SLC9B1: variants seen among roughly 807,000 people sequenced by gnomAD.
SLC9B1 encodes the protein solute carrier family 9 member B1, also known as sodium/hydrogen exchanger 9B1.
SLC9B1 carries 32 observed loss-of-function variants against 51.7 expected under a neutral mutation model. That is an observed-to-expected ratio of 0.62 (90% CI 0.47 to 0.83). The LOEUF is 0.83. SLC9B1 is among the 40% of genes least tolerant of loss of function. The probability of loss-of-function intolerance (pLI) is 0.00; values close to 1 mark genes in which losing one functional copy is unlikely to be tolerated. For missense variants in SLC9B1, 406 were observed against 613.2 expected, an observed-to-expected ratio of 0.66 and a Z score of 3.57; for synonymous variants, 145 against 212.7, an observed-to-expected ratio of 0.68 and a Z score of 2.77.
chr4:102,925,732 C>T (rs1378401440), intron 7 of SLC9B1, among the ~76,000 whole-genome samples: 1 of 148,428 alleles, frequency 6.7e-6, no homozygotes, highest in African/African-American at 2.5e-5. Flanking sequence ...GGGAATCCTC[C>T]CTAACTCATT....
chr4:102,934,285 A>G (rs1460398494), intron 6 of SLC9B1, among the ~76,000 whole-genome samples: 2 of 152,224 alleles, frequency 1.3e-5, no homozygotes, highest in African/African-American at 4.8e-5. Context: ...AATAATAGTG[A>G]CATATAAATA....
chr4:103,014,144 C>T (rs1223929755), intron 1 of SLC9B1, among the ~76,000 whole-genome samples: 1 of 152,170 alleles, frequency 6.6e-6, no homozygotes, highest in Non-Finnish European at 1.5e-5. Context: ...CCTTCTCATT[C>T]ATCACTTGAC....
chr4:102,989,801 AT>A lies in SLC9B1; in HGVS notation c.209del (p.Asn70MetfsTer7). Reference sequence around the variant, plus strand: ...ATTTACATTTTTTGTTTCACATACCATTTGTAATAATTACATTCAATACTCC... The same window carrying A: ...ATTTACATTTTTTGTTTCACATACCATTGTAATAATTACATTCAATACTCC... ...LRGVLNVIIT[N>X]GVILFVIWCM... is the part of the protein sequence containing the mutation. On this transcript the variant is annotated frameshift_variant and splice_region_variant, in exon 3 of 12. Transcript: ENST00000296422. 6.4e-7 allele frequency: 1 copy of A among 1,562,906 alleles called. No homozygotes were observed. Among genetic ancestry groups the A allele is most frequent in the Non-Finnish European group, 8.7e-7 (1 of 1,153,388 alleles).
Position 102,960,362 on chromosome 4 carries a change from G to T in SLC9B1, c.212-10935C>A, listed in dbSNP as rs558202084. On this transcript the variant is annotated intron_variant, in intron 3 of 11. Coordinates refer to ENST00000296422, the MANE Select transcript of SLC9B1 (RefSeq NM_139173.4). ...TAGTAAAATGGCCAGAAACAGACTGGCAAAGGCTATGGAGTAATTAATCTC... is the reference window on the plus strand; with the variant it reads ...TAGTAAAATGGCCAGAAACAGACTGTCAAAGGCTATGGAGTAATTAATCTC... 1.4e-3 allele frequency among the ~76,000 whole-genome samples: 208 copies of T among 152,116 alleles called. No individual in the cohort carries two copies. In the Middle Eastern group the frequency reaches 0.017, roughly 13 times the overall value.
At chr4:102,944,372 A>G (rs1471523031) in intron 6 of SLC9B1, among the ~76,000 whole-genome samples, 2 of 152,156 alleles carry the variant, frequency 1.3e-5, no homozygotes. Context: ...GTACCCCTTG[A>G]GCCGAAATAA....
intron 7 of SLC9B1, among the ~76,000 whole-genome samples, chr4:102,927,676 G>A (rs1355482100): frequency 2.6e-5 from 4 of 152,080 alleles, no homozygotes; most frequent in Non-Finnish European, 5.9e-5. Flanking sequence ...GCGATTCCTC[G>A]AGGATATAGA....
chr4:102,895,025 AT>A (rs1734469499), intron 11 of SLC9B1, among the ~76,000 whole-genome samples: 1 of 152,210 alleles, frequency 6.6e-6, no homozygotes, highest in African/African-American at 2.4e-5. Flanking sequence ...GCATTTTAAA[AT>A]TGGATTAAAT....
At chr4:102,889,299 C>G (rs1460252505) in intron 11 of SLC9B1, 1 of 152,310 alleles carries the variant, frequency 6.6e-6, no homozygotes, top group Non-Finnish European at 1.5e-5. Context: ...GTTAAGGGGC[C>G]TCACTGTCAG....
At chr4:102,941,804 C>G (rs982193239) in intron 6 of SLC9B1, among the ~76,000 whole-genome samples, 5 of 150,784 alleles carry the variant, frequency 3.3e-5, no homozygotes, top group African/African-American at 1.2e-4. Flanking sequence ...GAAGTCCTAG[C>G]CAGAGCAATC....
At position 102,987,009 on chromosome 4, in the gene SLC9B1, T is replaced by C. The variant is rs139713499; in HGVS notation, c.211+2791A>G. ...TTAAACTGTGTTTTTTGCCTTTTAA[T>C]ACACGTTGTAAATTTTAGTTGAAAG... On this transcript the variant is annotated intron_variant, in intron 3 of 11. Coordinates refer to ENST00000296422, the MANE Select transcript of SLC9B1 (RefSeq NM_139173.4). 2.2e-3 allele frequency among the ~76,000 whole-genome samples: 334 copies of C among 152,330 alleles called. 4 individuals carry two copies. Among genetic ancestry groups the C allele is most frequent in the East Asian group, 7.7e-4 (4 of 5,190 alleles).
chr4:102,955,417 C>G (rs1333418584), intron 3 of SLC9B1, among the ~76,000 whole-genome samples: 1 of 152,152 alleles, frequency 6.6e-6, no homozygotes, highest in Non-Finnish European at 1.5e-5. Flanking sequence ...CTAATACACT[C>G]TCATCTCTCT....
intron 3 of SLC9B1, among the ~76,000 whole-genome samples, chr4:102,950,466 C>G (rs1194144504): frequency 2.0e-5 from 3 of 152,128 alleles, no homozygotes; most frequent in Non-Finnish European, 2.9e-5. Context: ...AATTAAATTG[C>G]TACCTTTATT....
At chr4:102,909,524 A>C (rs148341916) in intron 9 of SLC9B1, among the ~76,000 whole-genome samples, 90 of 152,350 alleles carry the variant, frequency 5.9e-4, no homozygotes, top group African/African-American at 2.1e-3. Flanking sequence ...AATCACTTGA[A>C]TCCAGGAGGT....
intron 3 of SLC9B1, among the ~76,000 whole-genome samples, chr4:102,986,991 G>A (rs1199801686): frequency 6.6e-6 from 1 of 152,060 alleles, no homozygotes; most frequent in Non-Finnish European, 1.5e-5. Flanking sequence ...TCTTTAAACT[G>A]TGTTTTTTGC....
chr4:102,951,426 C>T (rs1737547303), intron 3 of SLC9B1, among the ~76,000 whole-genome samples: 2 of 151,928 alleles, frequency 1.3e-5, no homozygotes, highest in African/African-American at 2.4e-5. Flanking sequence ...TGTCTGAAAA[C>T]CTTAGCTAAT....
At chr4:103,005,991 G>T (rs1399812868) in intron 1 of SLC9B1, among the ~76,000 whole-genome samples, 1 of 152,024 alleles carries the variant, frequency 6.6e-6, no homozygotes, top group Non-Finnish European at 1.5e-5. Context: ...CCATATAAAA[G>T]TTAGAAAGAT....
rs540280829 is a variant in SLC9B1, at chr4:102,892,071, T to C, written c.1333-6743A>G. The C allele has an allele frequency of 2.0e-5, 3 of 152,330 alleles. No homozygotes were observed. In the East Asian group the frequency reaches 5.8e-4, roughly 29 times the overall value. The allele number at this position is 152,330 out of a possible 1,614,324, so 9.4% of individuals were successfully genotyped here. ...TAAACTAATTTTATCTACTTTCATA[T>C]ATTTTGAGACAAAGTCTGGCCCTGT... On this transcript the variant is annotated intron_variant, in intron 11 of 11. Coordinates refer to the SLC9B1 transcript ENST00000394789.
chr4:102,947,153 G>A (rs1210555298), intron 4 of SLC9B1, among the ~76,000 whole-genome samples: 1 of 152,186 alleles, frequency 6.6e-6, no homozygotes, highest in East Asian at 1.9e-4. Context: ...GAGGGTCTTG[G>A]TGAATTAGTT....
chr4:102,950,145 C>A (rs1219942141), intron 3 of SLC9B1, among the ~76,000 whole-genome samples: 2 of 152,028 alleles, frequency 1.3e-5, no homozygotes, highest in Non-Finnish European at 2.9e-5. Flanking sequence ...GAATTCACAA[C>A]CTTATTGAAG....
Sources: allele counts gnomAD v4.1 joint callset (sites outside exome capture counted in the v4.1 genomes callset), GRCh38; gene constraint gnomAD v4.1.1; transcripts MANE v1.5; gene names NCBI Gene and HGNC (gene_info 2026-07-23, HGNC 2026-07-21).